TPM3: variants seen among roughly 807,000 people sequenced by gnomAD.
TPM3 encodes the protein tropomyosin 3.
Under a neutral mutation model 43.1 loss-of-function variants are expected in TPM3, and 16 were observed. The ratio of observed to expected loss-of-function variants is 0.37; its 90% CI spans 0.25 to 0.56. The LOEUF is 0.56. Among genes scored for constraint, TPM3 ranks in the 20% least tolerant of loss-of-function variants. The probability of loss-of-function intolerance (pLI) is 0.77; values close to 1 mark genes in which losing one functional copy is unlikely to be tolerated. For missense variants in TPM3, 176 were observed against 337.2 expected, an observed-to-expected ratio of 0.52 and a Z score of 3.74; for synonymous variants, 101 against 116.9, an observed-to-expected ratio of 0.86 and a Z score of 0.88.
chr1:154,190,381 A>G (rs1398465092), intron 2 of TPM3, among the ~76,000 whole-genome samples: 1 of 152,176 alleles, frequency 6.6e-6, no homozygotes, highest in African/African-American at 2.4e-5. Flanking sequence ...AAACTTTTCA[A>G]TCTACTCTCT....
Position 154,182,968 on chromosome 1 carries a change from G to A in TPM3, c.244-6720C>T, listed in dbSNP as rs768883263. 5 of 1,610,534 alleles carry A rather than the reference G, an allele frequency of 3.1e-6. No homozygotes were observed. In the South Asian group the frequency reaches 4.4e-5, roughly 14 times the overall value. On this transcript the variant is annotated intron_variant, in intron 2 of 9. Coordinates refer to ENST00000651641, the MANE Select transcript of TPM3 (RefSeq NM_152263.4). ...ACTCCAGCGCCTGCCCCTCCCTCAT[G>A]AGCCTCACCATCTCCGTACCTGTTC...
In TPM3 at chr1:154,167,950, AAAGT is replaced by A; in HGVS notation, c.855-14_855-11del. ...AAACGGTGATAATTATCTGTATGAA[AAAGT>A]AAGGATACTCTAGGTGAGAAGGACT... On this transcript the variant is annotated splice_polypyrimidine_tract_variant and intron_variant, in intron 9 of 9. Coordinates refer to ENST00000651641, the MANE Select transcript of TPM3 (RefSeq NM_152263.4). The A allele has an allele frequency of 6.2e-7, 1 of 1,614,096 alleles. No individual in the cohort carries two copies. Among genetic ancestry groups the A allele is most frequent in the East Asian group, 2.2e-5 (1 of 44,890 alleles).
chr1:154,181,081 G>A (rs1571435028), intron 2 of TPM3, among the ~76,000 whole-genome samples: 1 of 152,094 alleles, frequency 6.6e-6, no homozygotes, highest in East Asian at 1.9e-4. Flanking sequence ...CAGAACAAAG[G>A]AGATGAGAAA....
At chr1:154,157,124 T>G, downstream of TPM3, 1 of 229,054 alleles carries the variant, frequency 4.4e-6, no homozygotes. Context: ...TAGCTAGTAC[T>G]TTGTACAGAA....
Position 154,164,379 on chromosome 1 carries a change from C to T in TPM3, c.*3558G>A, listed in dbSNP as rs886045302. Among the ~76,000 whole-genome samples, 8 of 152,220 alleles carry T rather than the reference C, an allele frequency of 5.3e-5. No homozygotes were observed. In the South Asian group the frequency reaches 1.7e-3, roughly 32 times the overall value. On this transcript the variant is annotated 3_prime_UTR_variant, in exon 10 of 10. Coordinates refer to ENST00000651641, the MANE Select transcript of TPM3 (RefSeq NM_152263.4). ...TCTCACTTTATTGCCAGGCTGGTCT[C>T]GAACTCCTGGATTCAAGAAATCCTC... is the stretch of plus-strand genomic sequence containing the variant.
At chr1:154,159,641 G>A (rs979402703), downstream of TPM3, among the ~76,000 whole-genome samples, 1 of 151,928 alleles carries the variant, frequency 6.6e-6, no homozygotes, top group African/African-American at 2.4e-5. Context: ...CCTGTTAAGA[G>A]TCAACAAATA....
chr1:154,168,080 AT>A, intron 9 of TPM3, 140 bp from the exon 10 acceptor site: 1 of 1,263,382 alleles, frequency 7.9e-7, no homozygotes, highest in Non-Finnish European at 1.1e-6. Context: ...AGCCTGAGAA[AT>A]GTGGCTTCTT....
At chr1:154,174,407 T>TATATCTAC (rs1261318136) in intron 3 of TPM3, among the ~76,000 whole-genome samples, 2 of 72,694 alleles carry the variant, frequency 2.8e-5, no homozygotes, top group East Asian at 1.2e-3. Flanking sequence ...TATATATATA[T>TATATCTAC]ACACACAAAA....
At chr1:154,183,454 G>T (rs1048057488) in intron 2 of TPM3, among the ~76,000 whole-genome samples, 2 of 152,204 alleles carry the variant, frequency 1.3e-5, no homozygotes, top group Non-Finnish European at 1.5e-5. Context: ...TCTCCCGCCA[G>T]GCTGGCTGCC....
intron 2 of TPM3, chr1:154,182,844 C>T (rs878918922): frequency 1.6e-6 from 2 of 1,267,724 alleles, no homozygotes; most frequent in East Asian, 2.4e-5. Flanking sequence ...TGGTGCTGAG[C>T]CCCACCCATC....
intron 1 of TPM3, 182 bp from the exon 2 acceptor site, chr1:154,191,493 T>C: frequency 7.6e-7 from 1 of 1,314,918 alleles, no homozygotes; most frequent in East Asian, 2.5e-5. Context: ...CCTGTGACCC[T>C]GTAATCTCTG....
In TPM3 at chr1:154,162,550, C is replaced by T. The variant is rs1660497230; in HGVS notation, c.*5387G>A. ...ATCAGATAACTTGGGGTTACTACAT[C>T]TTATTCCTTATCTCAATGATGGTAA... On this transcript the variant is annotated 3_prime_UTR_variant, in exon 10 of 10. Coordinates refer to ENST00000651641, the MANE Select transcript of TPM3 (RefSeq NM_152263.4). Among the ~76,000 whole-genome samples, 2 of 152,010 alleles carry T rather than the reference C, an allele frequency of 1.3e-5. No homozygotes were observed. Among genetic ancestry groups the T allele is most frequent in the African/African-American group, 4.8e-5 (2 of 41,362 alleles).
intron 5 of TPM3, chr1:154,171,910 G>A: frequency 9.8e-7 from 1 of 1,023,078 alleles, no homozygotes. Context: ...AGCATTCCAT[G>A]AAGAGATGAG....
intron 9 of TPM3, 131 bp from the exon 10 acceptor site, chr1:154,168,071 G>C: frequency 7.5e-7 from 1 of 1,337,646 alleles, no homozygotes; most frequent in Non-Finnish European, 1.1e-6. Context: ...AGACACTTCA[G>C]CCTGAGAAAT....
At chr1:154,182,149 C>T (rs1200047930) in intron 2 of TPM3, among the ~76,000 whole-genome samples, 1 of 152,200 alleles carries the variant, frequency 6.6e-6, no homozygotes, top group African/African-American at 2.4e-5. Flanking sequence ...TTAACCAGTT[C>T]GGCTTGCACT....
At chr1:154,180,756 A>T (rs1008745533) in intron 2 of TPM3, among the ~76,000 whole-genome samples, 5 of 152,028 alleles carry the variant, frequency 3.3e-5, no homozygotes, top group African/African-American at 9.7e-5. Context: ...AAAAATAAAA[A>T]AATAAAATAA....
At chr1:154,191,723 A>G in intron 1 of TPM3, 179 bp downstream of exon 1, 1 of 1,547,044 alleles carries the variant, frequency 6.5e-7, no homozygotes, top group Non-Finnish European at 8.7e-7. Flanking sequence ...TCCCAAGGTC[A>G]CAAAGGCAGT....
chr1:154,170,577 T>G, intron 7 of TPM3, 72 bp downstream of exon 7: 1 of 1,595,274 alleles, frequency 6.3e-7, no homozygotes, highest in Non-Finnish European at 8.6e-7. Context: ...AACCAGCCAG[T>G]TTAAATCCAT....
chr1:154,158,242 C>G (rs1411635626), downstream of TPM3, among the ~76,000 whole-genome samples: 1 of 152,176 alleles, frequency 6.6e-6, no homozygotes, highest in East Asian at 1.9e-4. Flanking sequence ...CAAATAATCT[C>G]TAAAGAAAAC....
Sources: gnomAD v4.1 joint callset for allele counts (sites outside exome capture counted in the v4.1 genomes callset) on GRCh38, gnomAD v4.1.1 for gene constraint, MANE v1.5 for transcripts, NCBI Gene and HGNC (gene_info 2026-07-23, HGNC 2026-07-21) for gene names.